DMXL1: variants seen among roughly 807,000 people sequenced by gnomAD.
DMXL1 encodes dmX-like protein 1.
A neutral mutation model predicts 319.2 loss-of-function variants in DMXL1; 99 were observed. That is an observed-to-expected ratio of 0.31 (90% CI 0.26 to 0.37). The LOEUF is 0.37. DMXL1 is among the 10% of genes least tolerant of loss of function. The probability of loss-of-function intolerance (pLI) is 1.00; values close to 1 mark genes in which losing one functional copy is unlikely to be tolerated. For synonymous variants in DMXL1, 1,385 were observed against 1,235.2 expected (o/e 1.12, Z -2.54); for missense variants, 3,745 against 3,595.6 (o/e 1.04, Z -1.06).
intron 1 of DMXL1, among the ~76,000 whole-genome samples, chr5:119,082,868 C>T (rs1218433459): frequency 2.0e-5 from 3 of 152,186 alleles, no homozygotes; most frequent in South Asian, 2.1e-4. Flanking sequence ...TCATCGTCTC[C>T]CCCAACCTCC....
chr5:119,121,535 C>T (rs974832397), intron 9 of DMXL1, among the ~76,000 whole-genome samples: 9 of 151,958 alleles, frequency 5.9e-5, no homozygotes, highest in South Asian at 2.1e-4. Flanking sequence ...CATCTTGCAC[C>T]GCCCTTAATC....
intron 37 of DMXL1, among the ~76,000 whole-genome samples, chr5:119,221,600 A>C (rs1464772884): frequency 2.0e-5 from 3 of 152,164 alleles, no homozygotes; most frequent in Non-Finnish European, 2.9e-5. Context: ...ATGCCTTCAC[A>C]CTACAGTGGC....
Position 119,166,652 on chromosome 5 carries a change from A to T in DMXL1, c.5007A>T (p.Gly1669=). The change falls in exon 22 of 44, where the codon GGA becomes GGT. Residue 1669 remains glycine (G), a synonymous_variant. Transcript: ENST00000539542. ...ACACCAGGATGACACAGTTTTTTGG[A>T]CACAATTTTGAGGATGAGAGGTGGC... ...EKNTRMTQFF[G]HNFEDERWRK... is the part of the protein sequence containing the mutation. 1.2e-6 allele frequency: 2 copies of T among 1,609,588 alleles called. No homozygotes were observed. The highest frequency in any genetic ancestry group is 1.1e-5 in the South Asian group (1 of 89,934).
chr5:119,246,529 T>C (rs934150790), intron 43 of DMXL1, among the ~76,000 whole-genome samples: 7 of 152,296 alleles, frequency 4.6e-5, no homozygotes, highest in South Asian at 2.1e-4. Flanking sequence ...CAAGGTGTTA[T>C]GATCCTAGGC....
At chr5:119,148,484 T>A in intron 17 of DMXL1, among the ~76,000 whole-genome samples, 1 of 152,108 alleles carries the variant, frequency 6.6e-6, no homozygotes, top group African/African-American at 2.4e-5. Flanking sequence ...CAACTCTAGG[T>A]TTTGGTGATA....
chr5:119,221,246 A>G (rs1784594672), intron 37 of DMXL1, among the ~76,000 whole-genome samples, 165 bp downstream of exon 37: 1 of 152,138 alleles, frequency 6.6e-6, no homozygotes, highest in Non-Finnish European at 1.5e-5. Flanking sequence ...GTATGTTTTC[A>G]TTTGAAAGGG....
Position 119,247,845 on chromosome 5 carries a change from T to C in DMXL1, c.*626T>C, listed in dbSNP as rs1233709502. The stretch of plus-strand genomic sequence containing the variant: ...GTGTGTGTGTATCTTACACATCTTA[T>C]TTGAACTTAGTTGTATATATTAGCG... On this transcript the variant is annotated 3_prime_UTR_variant, in exon 44 of 44. Coordinates refer to ENST00000539542, the MANE Select transcript of DMXL1 (RefSeq NM_001290321.3). 1 of 152,110 alleles carries C rather than the reference T, an allele frequency of 6.6e-6. No individual in the cohort carries two copies. The highest frequency in any genetic ancestry group is 2.4e-5 in the African/African-American group (1 of 41,430). The allele number at this position is 152,110 out of a possible 1,614,324, so 9.4% of individuals were successfully genotyped here.
chr5:119,190,363 T>C (rs1778493907), intron 29 of DMXL1, among the ~76,000 whole-genome samples: 2 of 152,220 alleles, frequency 1.3e-5, no homozygotes, highest in Admixed American at 1.3e-4. Flanking sequence ...TAAATATGAG[T>C]AAACTTCCCT....
In DMXL1 at chr5:119,134,201, C is replaced by T. The variant is rs535554649; in HGVS notation, c.2254+23C>T. ...TGGGTAAGTATTCTGGTTTTTATTA[C>T]AGTAATTTAGATTTGCTGACATTAT... On this transcript the variant is annotated intron_variant, in intron 12 of 43. Coordinates refer to ENST00000539542, the MANE Select transcript of DMXL1 (RefSeq NM_001290321.3). 2.5e-6 allele frequency: 4 copies of T among 1,606,762 alleles called. No individual in the cohort carries two copies. In the African/African-American group the frequency reaches 4.0e-5, roughly 16 times the overall value.
intron 13 of DMXL1, among the ~76,000 whole-genome samples, chr5:119,138,170 C>T (rs1420140966): frequency 6.6e-6 from 1 of 152,012 alleles, no homozygotes; most frequent in African/African-American, 2.4e-5. Flanking sequence ...GTGGTAATGG[C>T]AGAGATGATA....
intron 25 of DMXL1, among the ~76,000 whole-genome samples, chr5:119,174,486 T>A (rs1380235171): frequency 6.6e-6 from 1 of 152,226 alleles, no homozygotes; most frequent in East Asian, 1.9e-4. Context: ...TTATATAATA[T>A]CTTTTAATTC....
chr5:119,108,914 G>C (rs542543188), intron 4 of DMXL1, among the ~76,000 whole-genome samples: 1 of 152,032 alleles, frequency 6.6e-6, no homozygotes, highest in South Asian at 2.1e-4. Flanking sequence ...TGATTCTCCT[G>C]CCTCAGCCTC....
At position 119,247,480 on chromosome 5, in the gene DMXL1, T is replaced by C; in HGVS notation, c.*261T>C. On this transcript the variant is annotated 3_prime_UTR_variant, in exon 44 of 44. Transcript: ENST00000539542. ...GTATATTATAATCAGTATGTCATAG[T>C]GTTAAAGGTGTTTTGTTTTCTTATT... 1 of 230,256 alleles carries C rather than the reference T, an allele frequency of 4.3e-6. No individual in the cohort carries two copies. Among genetic ancestry groups the C allele is most frequent in the Non-Finnish European group, 8.5e-6 (1 of 117,360 alleles). 14.3% of individuals were successfully genotyped at this position (230,256 alleles called of 1,614,324 possible).
Position 119,137,839 on chromosome 5 carries a change from C to T in DMXL1, c.2376+3450C>T, listed in dbSNP as rs953570591. 3.9e-5 allele frequency among the ~76,000 whole-genome samples: 6 copies of T among 152,048 alleles called. 1 individual carries two copies. The highest frequency in any genetic ancestry group is 1.5e-4 in the African/African-American group (6 of 41,376). On this transcript the variant is annotated intron_variant, in intron 13 of 43. Coordinates refer to ENST00000539542, the MANE Select transcript of DMXL1 (RefSeq NM_001290321.3). ...TTATTTATAGCAGTATGAAAATGGA[C>T]TAATACAGTATGTAAAGGAACAGCA...
intron 4 of DMXL1, among the ~76,000 whole-genome samples, chr5:119,106,319 A>T (rs1159612611): frequency 6.6e-6 from 1 of 152,220 alleles, no homozygotes; most frequent in African/African-American, 2.4e-5. Context: ...TCCAGCTAAT[A>T]TTAAGGGTTG....
chr5:119,195,644 A>C (rs1441032377), intron 30 of DMXL1, among the ~76,000 whole-genome samples: 1 of 152,146 alleles, frequency 6.6e-6, no homozygotes, highest in Non-Finnish European at 1.5e-5. Flanking sequence ...CTGGAGTTGG[A>C]TGGTGGTGGT....
chr5:119,073,410 G>A (rs917477082), intron 1 of DMXL1, among the ~76,000 whole-genome samples: 3 of 152,162 alleles, frequency 2.0e-5, no homozygotes, highest in Non-Finnish European at 4.4e-5. Context: ...AAGCAGTGGT[G>A]TGAACTTCAA....
chr5:119,090,298 G>C (rs1241106240), intron 1 of DMXL1, among the ~76,000 whole-genome samples: 6 of 151,824 alleles, frequency 4.0e-5, no homozygotes, highest in Non-Finnish European at 1.5e-5. Flanking sequence ...TGGGATTACA[G>C]GTGTGAGCCA....
intron 18 of DMXL1, 27 bp from the exon 19 acceptor site, chr5:119,151,902 C>G (rs773253207): frequency 6.7e-7 from 1 of 1,498,988 alleles, no homozygotes; most frequent in South Asian, 1.2e-5. Flanking sequence ...TTTTTTAATA[C>G]ATTGCTTCCC....
Sources: gnomAD v4.1 joint callset for allele counts (sites outside exome capture counted in the v4.1 genomes callset) on GRCh38, gnomAD v4.1.1 for gene constraint, MANE v1.5 for transcripts, NCBI Gene and HGNC (gene_info 2026-07-23, HGNC 2026-07-21) for gene names.